Variants in UGT1A10 observed in about 807,000 individuals in gnomAD.
UGT1A10 encodes UDP-glucuronosyltransferase 1A10.
In UGT1A10, 49 loss-of-function variants were observed where a neutral mutation model predicts 45.8. The observed-to-expected ratio is 1.07, with a 90% confidence interval of 0.85 to 1.36. The LOEUF (loss-of-function observed/expected upper bound fraction) is 1.36, where lower values mean the gene tolerates loss of function less well. Ranked by LOEUF, UGT1A10 falls within the 40% of genes most tolerant of loss-of-function variation. The probability of loss-of-function intolerance (pLI) is 0.00; values close to 1 mark genes in which losing one functional copy is unlikely to be tolerated. For synonymous variants in UGT1A10, 284 were observed against 249.7 expected, an observed-to-expected ratio of 1.14 and a Z score of -1.29; for missense variants, 745 against 668.6, an observed-to-expected ratio of 1.11 and a Z score of -1.26.
At chr2:233,716,173 C>T (rs1298365895) in intron 1 of UGT1A10, among the ~76,000 whole-genome samples, 1 of 152,174 alleles carries the variant, frequency 6.6e-6, no homozygotes. Context: ...AGTGCAGCAT[C>T]TTCAAGTCTC....
chr2:233,717,705 C>T (rs1452341997), intron 1 of UGT1A10: 2 of 450,484 alleles, frequency 4.4e-6, no homozygotes, highest in Non-Finnish European at 9.0e-6. Context: ...TGGAGCAGGA[C>T]GAGCCTCATG....
intron 1 of UGT1A10, among the ~76,000 whole-genome samples, chr2:233,716,726 T>C (rs1272338086): frequency 6.6e-6 from 1 of 152,214 alleles, no homozygotes; most frequent in Non-Finnish European, 1.5e-5. Context: ...CCAGTTTATA[T>C]GTTTAGCTCT....
chr2:233,729,112 G>C, intron 1 of UGT1A10: 1 of 1,612,932 alleles, frequency 6.2e-7, no homozygotes, highest in Non-Finnish European at 8.5e-7. Flanking sequence ...TCAGCTGTCC[G>C]TGTCTTCTGC....
rs1239594110 is a variant in UGT1A10, at chr2:233,672,846, G to C, written c.855+35469G>C. 1.6e-5 allele frequency: 24 copies of C among 1,546,282 alleles called. No individual in the cohort carries two copies. In the South Asian group the frequency reaches 1.9e-4, roughly 12 times the overall value. On this transcript the variant is annotated intron_variant, in intron 1 of 4. Coordinates refer to ENST00000344644, the MANE Select transcript of UGT1A10 (RefSeq NM_019075.4). ...TACTTCACCTTTGGAAATTAAAAAA[G>C]GATTCTTTACTGAACTGTGATTTGA...
intron 1 of UGT1A10, among the ~76,000 whole-genome samples, chr2:233,676,122 AC>A (rs2074347004): frequency 6.6e-6 from 1 of 152,180 alleles, no homozygotes; most frequent in Admixed American, 6.5e-5. Context: ...CAGAAGACCC[AC>A]CCTGGGGTCC....
At chr2:233,750,988 G>A (rs946459693) in intron 1 of UGT1A10, among the ~76,000 whole-genome samples, 12 of 151,852 alleles carry the variant, frequency 7.9e-5, no homozygotes, top group Non-Finnish European at 1.3e-4. Context: ...GTGAGAAGGC[G>A]GCCACCATCC....
intron 1 of UGT1A10, among the ~76,000 whole-genome samples, chr2:233,766,177 G>A (rs937937765): frequency 5.3e-5 from 8 of 152,156 alleles, no homozygotes; most frequent in African/African-American, 1.9e-4. Context: ...AGGATTTATT[G>A]AGTGGATGTA....
At chr2:233,695,403 C>T (rs567357181) in intron 1 of UGT1A10, among the ~76,000 whole-genome samples, 6 of 150,700 alleles carry the variant, frequency 4.0e-5, no homozygotes, top group Admixed American at 6.6e-5. Flanking sequence ...GGATTACAGG[C>T]GTGAGCTACC....
intron 1 of UGT1A10, chr2:233,718,944 C>T (rs553189135): frequency 6.2e-7 from 1 of 1,614,060 alleles, no homozygotes; most frequent in African/African-American, 1.3e-5. Flanking sequence ...CAGCCCCTGG[C>T]TCAGCATGCG....
chr2:233,740,777 G>C (rs541057948), intron 1 of UGT1A10: 2 of 151,918 alleles, frequency 1.3e-5, no homozygotes, highest in South Asian at 4.2e-4. Flanking sequence ...TTGTATAAAA[G>C]ATGAATACCC....
intron 1 of UGT1A10, among the ~76,000 whole-genome samples, chr2:233,722,377 C>T (rs570845988): frequency 4.6e-5 from 7 of 152,274 alleles, no homozygotes; most frequent in East Asian, 3.9e-4. Context: ...TGAAATCTTA[C>T]GTTTCTTCTC....
chr2:233,665,940 A>G (rs985711931), intron 1 of UGT1A10, among the ~76,000 whole-genome samples: 2 of 152,108 alleles, frequency 1.3e-5, no homozygotes, highest in Non-Finnish European at 2.9e-5. Flanking sequence ...ACTCACCAAC[A>G]CTGGATGTCT....
chr2:233,652,424 A>G (rs1416142308), intron 1 of UGT1A10, among the ~76,000 whole-genome samples: 4 of 152,188 alleles, frequency 2.6e-5, no homozygotes, highest in Admixed American at 2.0e-4. Flanking sequence ...AATTTTGGCT[A>G]TAATTTTTTA....
intron 1 of UGT1A10, among the ~76,000 whole-genome samples, chr2:233,698,699 A>T (rs2075456064): frequency 6.6e-6 from 1 of 152,252 alleles, no homozygotes; most frequent in Non-Finnish European, 1.5e-5. Flanking sequence ...TCTAAAAAAA[A>T]TGTGCAAAGC....
chr2:233,637,762 A>G (rs2073340352), intron 1 of UGT1A10, among the ~76,000 whole-genome samples: 1 of 152,176 alleles, frequency 6.6e-6, no homozygotes, highest in South Asian at 2.1e-4. Flanking sequence ...GGCATATGCA[A>G]TATCTCATGT....
chr2:233,760,816 T>C (rs72551342), intron 1 of UGT1A10: 3 of 1,613,644 alleles, frequency 1.9e-6, no homozygotes, highest in South Asian at 1.1e-5. Flanking sequence ...TGCACTGCCA[T>C]GCAGCCTGGA....
intron 1 of UGT1A10, chr2:233,755,875 T>A (rs1402547099): frequency 2.6e-5 from 4 of 152,198 alleles, no homozygotes; most frequent in Non-Finnish European, 5.9e-5. Flanking sequence ...CTAACAAACC[T>A]TTTTATGTAA....
At chr2:233,693,710 G>C (rs1398840706) in intron 1 of UGT1A10, 3 of 1,614,218 alleles carry the variant, frequency 1.9e-6, no homozygotes, top group Non-Finnish European at 2.5e-6. Context: ...CGCATCAGCT[G>C]TCCTCAAGAG....
Position 233,743,942 on chromosome 2 carries a change from G to A in UGT1A10, c.856-23092G>A, listed in dbSNP as rs1297528257. On this transcript the variant is annotated intron_variant, in intron 1 of 4. Coordinates refer to ENST00000344644, the MANE Select transcript of UGT1A10 (RefSeq NM_019075.4). ...GCTGGATGGCCAGAACGGCCCACCA[G>A]GCACTGGCACAGCGAGCGGCAAGGC... 3 of 1,352,602 alleles carry A rather than the reference G, an allele frequency of 2.2e-6. No individual in the cohort carries two copies. The African/African-American group carries it at 4.5e-5, about 20-fold the overall frequency. The allele number at this position is 1,352,602 out of a possible 1,614,324, so 83.8% of individuals were successfully genotyped here.
Sources: allele counts gnomAD v4.1 joint callset (sites outside exome capture counted in the v4.1 genomes callset), GRCh38; gene constraint gnomAD v4.1.1; transcripts MANE v1.5; gene names NCBI Gene and HGNC (gene_info 2026-07-23, HGNC 2026-07-21).